MYBBP1A: variants seen among roughly 807,000 people sequenced by gnomAD.
MYBBP1A encodes the protein MYB binding protein 1a, also known as myb-binding protein 1A.
In MYBBP1A, 147 loss-of-function variants were observed where a neutral mutation model predicts 136.3. That is an observed-to-expected ratio of 1.08 (90% confidence interval 0.94 to 1.24). The LOEUF (loss-of-function observed/expected upper bound fraction) is 1.24, where lower values mean the gene tolerates loss of function less well. Among genes scored for constraint, MYBBP1A ranks in the 50% most tolerant of loss-of-function variants. The pLI is 0.00. For synonymous variants in MYBBP1A, 947 were observed against 735.8 expected (o/e 1.29, Z -4.65); for missense variants, 2,060 against 1,727.4 (o/e 1.19, Z -3.41).
chr17:4,542,708 G>C lies in MYBBP1A; in HGVS notation c.2926C>G (p.Arg976Gly), dbSNP rs143029758. ...ASCLDLNLVTRVYSTALSSFL... is the reference protein window; with the variant it reads ...ASCLDLNLVTGVYSTALSSFL... ...GAGCTCAGTGCTGTCGAGTACACCCGGGTCACCAGGTTCAAGTCCAAGCAG... is the reference window on the plus strand; with the variant it reads ...GAGCTCAGTGCTGTCGAGTACACCCCGGTCACCAGGTTCAAGTCCAAGCAG... The change falls in exon 21 of 26, where the codon CGG (arginine) becomes GGG (glycine). Residue 976 changes from arginine (R) to glycine (G), a missense_variant. Transcript: ENST00000254718. 3.5e-5 allele frequency: 56 copies of C among 1,613,938 alleles called. No individual in the cohort carries two copies. The highest frequency in any genetic ancestry group is 4.5e-5 in the East Asian group (2 of 44,896).
In MYBBP1A at chr17:4,539,038, CCCTGGTGGCTCCCTCACAGCAAAAAAG is replaced by C. The variant is rs1567600519; in HGVS notation, c.*350_*376del. The C allele has an allele frequency of 5.4e-6, 5 of 927,070 alleles. No individual in the cohort carries two copies. The East Asian group carries it at 7.2e-5, about 13-fold the overall frequency. 57.4% of individuals were successfully genotyped at this position (927,070 alleles called of 1,614,324 possible). A position where few individuals can be genotyped will look rare whatever the true frequency, so the allele number is the denominator to read the frequency against. On this transcript the variant is annotated 3_prime_UTR_variant, in exon 26 of 26. Transcript: ENST00000254718. ...AAGAAATAAACCTATTTAAATCACC[CCCTGGTGGCTCCCTCACAGCAAAAAAG>C]CCTGGGGGCAAAGAGGTGGCAGGCA...
chr17:4,545,679 C>T lies in MYBBP1A; in HGVS notation c.2004G>A (p.Gln668=). 4.3e-6 allele frequency: 7 copies of T among 1,611,562 alleles called. No homozygotes were observed. Among genetic ancestry groups the T allele is most frequent in the Non-Finnish European group, 5.9e-6 (7 of 1,178,430 alleles). ...LLAQPSHLMR[Q]VARSVFGHIC... ...TGTGGCCAAACACGCTCCGGGCCAC[C>T]TGGCGCATGAGGTGGCTGGGCTGGG... The change falls in exon 15 of 26, where the codon CAG becomes CAA. Residue 668 remains glutamine, a synonymous_variant. Coordinates refer to ENST00000254718, the MANE Select transcript of MYBBP1A (RefSeq NM_014520.4).
chr17:4,546,687 C>A (rs1186593290), intron 13 of MYBBP1A, among the ~76,000 whole-genome samples: 5 of 152,344 alleles, frequency 3.3e-5, no homozygotes, highest in Admixed American at 6.5e-5. Context: ...CTGGGGATAA[C>A]CCCAGACTCG....
chr17:4,539,288 G>GT lies in MYBBP1A; in HGVS notation c.*126_*127insA. 1 of 1,492,910 alleles carries GT rather than the reference G, an allele frequency of 6.7e-7. No homozygotes were observed. The highest frequency in any genetic ancestry group is 8.8e-7 in the Non-Finnish European group (1 of 1,132,564). 92.5% of individuals were successfully genotyped at this position (1,492,910 alleles called of 1,614,324 possible). A position where few individuals can be genotyped will look rare whatever the true frequency, so the allele number is the denominator to read the frequency against. ...CAGGATGCCCGGGCAGGCGGCAACA[G>GT]CCACCCTCCCCAGTGGCAGCGCCTT... On this transcript the variant is annotated 3_prime_UTR_variant, in exon 26 of 26. Transcript: ENST00000254718.
chr17:4,552,734 T>C lies in MYBBP1A; in HGVS notation c.562-108A>G. Reference sequence around the variant, plus strand: ...GCCACCTGGTGAGGTATCAGAGTCATCAGAGGCCAGTTGCTAACAAAACTC... The same window carrying C: ...GCCACCTGGTGAGGTATCAGAGTCACCAGAGGCCAGTTGCTAACAAAACTC... On this transcript the variant is annotated intron_variant, in intron 5 of 25. Transcript: ENST00000254718. This position sits in a 1 kb window ranked among gnomAD's most constrained non-coding sequence, Gnocchi z 4.7. The C allele has an allele frequency of 9.8e-7, 1 of 1,024,480 alleles. No homozygotes were observed. The highest frequency in any genetic ancestry group is 1.7e-5 in the South Asian group (1 of 58,642). 63.5% of individuals were successfully genotyped at this position (1,024,480 alleles called of 1,614,324 possible).
chr17:4,543,302 G>A, intron 19 of MYBBP1A, 137 bp from the exon 20 acceptor site: 1 of 1,253,816 alleles, frequency 8.0e-7, no homozygotes, highest in Non-Finnish European at 1.1e-6. Context: ...GGCCACAGAG[G>A]AGGGCCCAGG....
Position 4,544,732 on chromosome 17 carries a change from G to C in MYBBP1A, c.2481+19C>G. 6.6e-7 allele frequency: 1 copy of C among 1,513,222 alleles called. No homozygotes were observed. Among genetic ancestry groups the C allele is most frequent in the Non-Finnish European group, 8.8e-7 (1 of 1,131,288 alleles). 93.7% of individuals were successfully genotyped at this position (1,513,222 alleles called of 1,614,324 possible). ...CGCACAGGGAGGCGGGGGTGGGTGC[G>C]GCCCGCCCCCAGGCTCACCCGGATC... On this transcript the variant is annotated intron_variant, in intron 18 of 25. Coordinates refer to ENST00000254718, the MANE Select transcript of MYBBP1A (RefSeq NM_014520.4).
chr17:4,546,626 G>A (rs890707865), intron 13 of MYBBP1A, among the ~76,000 whole-genome samples: 4 of 152,214 alleles, frequency 2.6e-5, no homozygotes, highest in African/African-American at 9.6e-5. Flanking sequence ...ATGAGAGACA[G>A]AATTGAAAGT....
Position 4,552,363 on chromosome 17 carries a change from A to G in MYBBP1A, c.738-71T>C. The G allele has an allele frequency of 6.2e-7, 1 of 1,605,082 alleles. No homozygotes were observed. The highest frequency in any genetic ancestry group is 1.1e-5 in the South Asian group (1 of 90,440). On this transcript the variant is annotated intron_variant, in intron 6 of 25. Transcript: ENST00000254718. This position sits in a 1 kb window ranked among gnomAD's most constrained non-coding sequence, Gnocchi z 4.7. ...GGCCAGGGTGACAAGAGCAGCCGGG[A>G]CACCCCCAGGCCAAACGACAAATCT...
chr17:4,542,674 G>A lies in MYBBP1A; in HGVS notation c.2960C>T (p.Thr987Ile), dbSNP rs145220419. 2 of 1,614,064 alleles carry A rather than the reference G, an allele frequency of 1.2e-6. No individual in the cohort carries two copies. The highest frequency in any genetic ancestry group is 1.7e-6 in the Non-Finnish European group (2 of 1,179,948). Reference protein sequence around the residue: ...VYSTALSSFLTKRNSPLTVPM... With the variant: ...VYSTALSSFLIKRNSPLTVPM... Reference sequence around the variant, plus strand: ...AACTGTGAGGGGGCTGTTGCGCTTGGTCAGGAAGGAGCTCAGTGCTGTCGA... The same window carrying A: ...AACTGTGAGGGGGCTGTTGCGCTTGATCAGGAAGGAGCTCAGTGCTGTCGA... Residue 987 changes from threonine (T) to isoleucine (I), a missense_variant, in exon 21 of 26, where the codon ACC becomes ATC. Transcript: ENST00000254718.
rs1415227743 is a variant in MYBBP1A at position 4,545,071 on chromosome 17, G to T, written c.2265C>A (p.Gly755=). 1.3e-6 allele frequency: 2 copies of T among 1,561,488 alleles called. No homozygotes were observed. Among genetic ancestry groups the T allele is most frequent in the Non-Finnish European group, 8.7e-7 (1 of 1,155,996 alleles). Residue 755 remains glycine, a synonymous_variant, in exon 17 of 26, where the codon GGC becomes GGA. Transcript: ENST00000254718. ...GCACGGTCATCAGCTGTTCCCGGAA[G>T]CCCTGATCCACGTCCCCGTCGCGCT... is the stretch of plus-strand genomic sequence containing the variant. The part of the protein sequence containing the change: ...EEERDGDVDQ[G]FREQLMTVLQ...
At position 4,548,577 on chromosome 17, in the gene MYBBP1A, G is replaced by A; in HGVS notation, c.1503C>T (p.Phe501=). The A allele has an allele frequency of 1.2e-6, 2 of 1,614,238 alleles. No homozygotes were observed. The highest frequency in any genetic ancestry group is 2.2e-5 in the East Asian group (1 of 44,882). ...GGGCCTGGTTTTCCAAAGGGAAGGA[G>A]AACGGGTGCTTTGTCTCAGGGATCT... ...TSQIPETKHP[F]SFPLENQARE... is the part of the protein sequence containing the mutation. Residue 501 remains phenylalanine, a synonymous_variant, in exon 11 of 26, where the codon TTC becomes TTT. Transcript: ENST00000254718. This position sits in a 1 kb window ranked among gnomAD's most constrained non-coding sequence, Gnocchi z 4.2.
rs1163860116 is a variant in MYBBP1A at position 4,545,149 on chromosome 17, G to C, written c.2187C>G (p.Asn729Lys). ...AEDKSEEGED[N>K]RSSESEEESE... ...TCTCCTCTTCACTCTCTGAGCTTCT[G>C]TTGTCCTCACCTTCCTCGCTCTTGT... The change falls in exon 17 of 26, where the codon AAC becomes AAG. Residue 729 changes from asparagine to lysine, a missense_variant. Asn to Lys is a moderately conservative substitution (Grantham distance 94). Transcript: ENST00000254718. The C allele has an allele frequency of 6.2e-7, 1 of 1,613,212 alleles. No individual in the cohort carries two copies. The highest frequency in any genetic ancestry group is 1.1e-5 in the South Asian group (1 of 91,052).
rs776105218 is a variant in MYBBP1A at position 4,545,066 on chromosome 17, C to T, written c.2270G>A (p.Arg757Gln). The change falls in exon 17 of 26, where the codon CGG becomes CAG. Residue 757 changes from arginine (R) to glutamine (Q), a missense_variant. Physicochemically the swap from Arg to Gln is conservative, Grantham distance 43. Transcript: ENST00000254718. ...ERDGDVDQGF[R>Q]EQLMTVLQAG... Reference sequence around the variant, plus strand: ...CTGCAGCACGGTCATCAGCTGTTCCCGGAAGCCCTGATCCACGTCCCCGTC... The same window carrying T: ...CTGCAGCACGGTCATCAGCTGTTCCTGGAAGCCCTGATCCACGTCCCCGTC... The T allele has an allele frequency of 1.7e-5, 27 of 1,558,230 alleles. No homozygotes were observed. The highest frequency in any genetic ancestry group is 2.4e-5 in the East Asian group (1 of 41,376).
Position 4,540,262 on chromosome 17 carries a change from C to T in MYBBP1A, c.3434+86G>A, listed in dbSNP as rs934571229. 63 of 1,474,594 alleles carry T rather than the reference C, an allele frequency of 4.3e-5. 1 individual carries two copies. In the Middle Eastern group the frequency reaches 5.4e-4, roughly 13 times the overall value. 91.3% of individuals were successfully genotyped at this position (1,474,594 alleles called of 1,614,324 possible). ...CGTGTGCAGTGTGCGTGTGCAGCAG[C>T]GTGTGTGCAGCGTGTGTGTGTGTGC... is the stretch of plus-strand genomic sequence containing the variant. On this transcript the variant is annotated intron_variant, in intron 25 of 25. Transcript: ENST00000254718.
Position 4,544,588 on chromosome 17 carries a change from T to A in MYBBP1A, c.2540A>T (p.Glu847Val). 3.8e-6 allele frequency: 6 copies of A among 1,580,392 alleles called. No individual in the cohort carries two copies. The highest frequency in any genetic ancestry group is 5.2e-6 in the Non-Finnish European group (6 of 1,163,738). The change falls in exon 19 of 26, where the codon GAG (glutamate) becomes GTG (valine). Residue 847 changes from glutamate (E) to valine (V), a missense_variant. By Grantham distance (121) the Glu-to-Val change is moderately radical. Coordinates refer to ENST00000254718, the MANE Select transcript of MYBBP1A (RefSeq NM_014520.4). ...GATGCTCAGCAGCGGCTCCAGCAGC[T>A]CCAGGACCAGGGCATTCTCGGGCTG... The part of the protein sequence containing the change: ...TKQPENALVL[E>V]LLEPLLSIIR...
intron 13 of MYBBP1A, among the ~76,000 whole-genome samples, chr17:4,546,911 CCTT>C (rs137995650): frequency 0.026 from 3,884 of 148,498 alleles, 82 homozygotes; most frequent in African/African-American, 0.053. Context: ...CTGGGCTGCA[CCTT>C]TTTTTTTTTT....
rs747701801 is a variant in MYBBP1A at position 4,554,831 on chromosome 17, G to T, written c.294+30C>A. The T allele has an allele frequency of 7.5e-6, 12 of 1,607,078 alleles. No individual in the cohort carries two copies. The South Asian group carries it at 1.1e-4, about 15-fold the overall frequency. ...ATACCCCACCATTTTGACCTGGATG[G>T]CTGGGACCCTGCCAGGAGCACCACC... On this transcript the variant is annotated intron_variant, in intron 2 of 25. Coordinates refer to ENST00000254718, the MANE Select transcript of MYBBP1A (RefSeq NM_014520.4).
At position 4,555,380 on chromosome 17, in the gene MYBBP1A, A is replaced by C; in HGVS notation, c.-56T>G. ...GTGTGCTCCGGCCCCAGCCGCTTCC[A>C]GGTCAGGGCACGGCGCATGCGCACC... On this transcript the variant is annotated 5_prime_UTR_variant, in exon 1 of 26. Coordinates refer to ENST00000254718, the MANE Select transcript of MYBBP1A (RefSeq NM_014520.4). The C allele has an allele frequency of 6.5e-7, 1 of 1,548,026 alleles. No homozygotes were observed. Among genetic ancestry groups the C allele is most frequent in the South Asian group, 1.2e-5 (1 of 84,232 alleles).
Sources: gnomAD v4.1 joint callset for allele counts (sites outside exome capture counted in the v4.1 genomes callset) on GRCh38, gnomAD v4.1.1 for gene constraint, Gnocchi (gnomAD v3.1) non-coding constraint, MANE v1.5 for transcripts, NCBI Gene and HGNC (gene_info 2026-07-23, HGNC 2026-07-21) for gene names.